The following COPA variants were observed in gnomAD, a reference collection of about 807,000 sequenced individuals.
COPA encodes coat protein complex I subunit alpha, also known as coatomer subunit alpha.
In COPA, 10 loss-of-function variants were observed where a neutral mutation model predicts 158.7. The ratio of observed to expected loss-of-function variants is 0.06; its 90% CI spans 0.04 to 0.11. COPA has a LOEUF of 0.11. COPA is among the 10% of genes least tolerant of loss of function. The probability of loss-of-function intolerance (pLI) is 1.00; values close to 1 mark genes in which losing one functional copy is unlikely to be tolerated. For synonymous variants in COPA, 462 were observed against 542.8 expected (o/e 0.85, Z 2.07); for missense variants, 1,065 against 1,536.7 (o/e 0.69, Z 5.13).
intron 14 of COPA, 72 bp from the exon 15 acceptor site, chr1:160,306,565 C>T: frequency 4.4e-6 from 7 of 1,573,558 alleles, no homozygotes; most frequent in Non-Finnish European, 6.1e-6. Flanking sequence ...GATGATGTTC[C>T]TCAGCAATTG....
chr1:160,331,613 T>C (rs1219556488), intron 6 of COPA, among the ~76,000 whole-genome samples: 1 of 148,792 alleles, frequency 6.7e-6, no homozygotes, highest in Non-Finnish European at 1.5e-5. Context: ...CGCCACTGCA[T>C]TTCAGCATGG....
intron 21 of COPA, among the ~76,000 whole-genome samples, chr1:160,296,915 C>T (rs1437296832): frequency 6.6e-6 from 1 of 152,176 alleles, no homozygotes; most frequent in Non-Finnish European, 1.5e-5. Context: ...TCATCTTTCA[C>T]CTTGCTTGTT....
At chr1:160,333,049 G>A (rs989731020) in intron 5 of COPA, among the ~76,000 whole-genome samples, 10 of 152,122 alleles carry the variant, frequency 6.6e-5, no homozygotes, top group Non-Finnish European at 1.3e-4. Context: ...TCAGCCTCCC[G>A]AGTAGCTGGG....
chr1:160,324,256 A>AAT (rs1206205266), intron 7 of COPA, among the ~76,000 whole-genome samples: 1 of 150,178 alleles, frequency 6.7e-6, no homozygotes, highest in Non-Finnish European at 1.5e-5. Flanking sequence ...CTATTTTCAT[A>AAT]ATATTACTAA....
chr1:160,340,116 C>A, intron 2 of COPA, 65 bp downstream of exon 2: 1 of 1,488,134 alleles, frequency 6.7e-7, no homozygotes, highest in Non-Finnish European at 9.4e-7. Context: ...TCAAACAAGG[C>A]TTAAAATACC....
intron 30 of COPA, 142 bp downstream of exon 30, chr1:160,291,677 T>A: frequency 9.2e-7 from 1 of 1,092,430 alleles, no homozygotes; most frequent in Non-Finnish European, 1.3e-6. Flanking sequence ...GATGAAGAAA[T>A]GTATCCTCCC....
intron 12 of COPA, among the ~76,000 whole-genome samples, 161 bp from the exon 13 acceptor site, chr1:160,309,337 C>G (rs530292807): frequency 6.6e-6 from 1 of 152,310 alleles, no homozygotes; most frequent in East Asian, 1.9e-4. Context: ...GTTTCTACAT[C>G]TATGAGTTAT....
At chr1:160,297,775 G>A in intron 19 of COPA, 30 bp from the exon 20 acceptor site, 1 of 1,603,458 alleles carries the variant, frequency 6.2e-7, no homozygotes, top group Non-Finnish European at 8.5e-7. Context: ...GTGTTAACAG[G>A]TTGAAGGACA....
At chr1:160,324,285 CTT>C (rs750360211) in intron 7 of COPA, among the ~76,000 whole-genome samples, 20 of 102,374 alleles carry the variant, frequency 2.0e-4, no homozygotes, top group Admixed American at 2.0e-4. Flanking sequence ...CTTCTTCATT[CTT>C]TTTTTTTTTT....
intron 21 of COPA, 98 bp from the exon 22 acceptor site, chr1:160,296,247 C>T: frequency 1.0e-6 from 1 of 980,394 alleles, no homozygotes; most frequent in South Asian, 1.4e-5. Context: ...TCCCTGACTC[C>T]TGGTATTCAA....
chr1:160,326,354 C>T (rs1659491005), intron 6 of COPA: 1 of 152,822 alleles, frequency 6.5e-6, no homozygotes. Context: ...TGGCAAAACC[C>T]CGTCTCTCCA....
intron 17 of COPA, among the ~76,000 whole-genome samples, chr1:160,302,874 T>A (rs1388277013): frequency 6.6e-6 from 1 of 152,014 alleles, no homozygotes; most frequent in Non-Finnish European, 1.5e-5. Context: ...CAAGTTACTT[T>A]AAAAACTTAT....
At chr1:160,340,378 T>C in intron 1 of COPA, 84 bp from the exon 2 acceptor site, 1 of 843,212 alleles carries the variant, frequency 1.2e-6, no homozygotes, top group Non-Finnish European at 1.9e-6. Flanking sequence ...AAAAGAAACA[T>C]CAAGGTTAAT....
At chr1:160,317,744 T>C (rs750894943) in intron 8 of COPA, 8 of 1,262,474 alleles carry the variant, frequency 6.3e-6, no homozygotes, top group Non-Finnish European at 9.2e-6. Flanking sequence ...CTCAATCCTT[T>C]CTCATTTTTA....
rs567404728 is a variant in COPA, at chr1:160,291,808, A to T, written c.3258+11T>A. 1 of 1,612,902 alleles carries T rather than the reference A, an allele frequency of 6.2e-7. No individual in the cohort carries two copies. Among genetic ancestry groups the T allele is most frequent in the East Asian group, 2.2e-5 (1 of 44,872 alleles). Reference sequence around the variant, plus strand: ...ACGTCTCTGTTGTGCTCAGGGTCCTATAGATCTTACCTCACAGATGCGCTT... The same window carrying T: ...ACGTCTCTGTTGTGCTCAGGGTCCTTTAGATCTTACCTCACAGATGCGCTT... On this transcript the variant is annotated intron_variant, in intron 30 of 32. Transcript: ENST00000241704.
intron 10 of COPA, 41 bp downstream of exon 10, chr1:160,313,044 T>G: frequency 1.3e-6 from 2 of 1,562,806 alleles, no homozygotes; most frequent in Non-Finnish European, 1.8e-6. Flanking sequence ...ACTTATAAAC[T>G]TTGAATTAAG....
chr1:160,289,392 G>A lies in COPA; in HGVS notation c.*765C>T, dbSNP rs1658144550. ...AACCAAATAACTTCTTCAAATTTCT[G>A]AGTACACAGAGGGTACCTGCCTTGA... On this transcript the variant is annotated 3_prime_UTR_variant, in exon 33 of 33. Transcript: ENST00000241704. The A allele has an allele frequency of 6.6e-6, 1 of 152,062 alleles. No individual in the cohort carries two copies. The highest frequency in any genetic ancestry group is 1.5e-5 in the Non-Finnish European group (1 of 68,008). 9.4% of individuals were successfully genotyped at this position (152,062 alleles called of 1,614,324 possible).
chr1:160,308,661 G>A (rs964053723), intron 13 of COPA, among the ~76,000 whole-genome samples: 1 of 152,172 alleles, frequency 6.6e-6, no homozygotes, highest in African/African-American at 2.4e-5. Flanking sequence ...GTGGGGTGTG[G>A]GGCTGTTAGC....
chr1:160,307,059 G>T, intron 14 of COPA, 104 bp downstream of exon 14: 2 of 1,133,084 alleles, frequency 1.8e-6, no homozygotes, highest in Non-Finnish European at 2.6e-6. Context: ...GAGAATCACG[G>T]CTGCCCGGGG....
Sources: gnomAD v4.1 joint callset for allele counts (sites outside exome capture counted in the v4.1 genomes callset) on GRCh38, gnomAD v4.1.1 for gene constraint, MANE v1.5 for transcripts, NCBI Gene and HGNC (gene_info 2026-07-23, HGNC 2026-07-21) for gene names.